CNGB1: variants seen among roughly 807,000 people sequenced by gnomAD.
CNGB1 encodes cyclic nucleotide-gated channel beta-1.
Under a neutral mutation model 151.7 loss-of-function variants are expected in CNGB1, and 126 were observed. The ratio of observed to expected loss-of-function variants is 0.83; its 90% confidence interval spans 0.72 to 0.96. CNGB1 has a LOEUF of 0.96. Among genes scored for constraint, CNGB1 ranks in the 40% least tolerant of loss-of-function variants. The pLI is 0.00. For missense variants in CNGB1, 1,698 were observed against 1,627.0 expected, an observed-to-expected ratio of 1.04 and a Z score of -0.75; for synonymous variants, 623 against 635.1, an observed-to-expected ratio of 0.98 and a Z score of 0.29.
intron 14 of CNGB1, among the ~76,000 whole-genome samples, chr16:57,946,181 G>A (rs578169595): frequency 6.6e-6 from 1 of 152,172 alleles, no homozygotes; most frequent in Non-Finnish European, 1.5e-5. Context: ...GACACCCTCC[G>A]GCTTTCCAAG....
At chr16:57,909,833 C>T (rs1351593514) in intron 25 of CNGB1, among the ~76,000 whole-genome samples, 5 of 152,190 alleles carry the variant, frequency 3.3e-5, no homozygotes. Flanking sequence ...GGCCATGACA[C>T]CTGGGTTCAA....
Position 57,915,342 on chromosome 16 carries a change from TC to T in CNGB1, c.2218-8del. ...GGAGGCTGAGCAGGTCCATCTGAAA[TC>T]CCAGTGGGACACCATGGGGGTAAAA... On this transcript the variant is annotated splice_polypyrimidine_tract_variant and splice_region_variant and intron_variant, in intron 22 of 32. Transcript: ENST00000251102. 6.2e-7 allele frequency: 1 copy of T among 1,610,708 alleles called. No homozygotes were observed. Among genetic ancestry groups the T allele is most frequent in the South Asian group, 1.1e-5 (1 of 90,982 alleles).
intron 11 of CNGB1, 84 bp downstream of exon 11, chr16:57,958,326 G>T: frequency 7.8e-7 from 1 of 1,277,612 alleles, no homozygotes; most frequent in Non-Finnish European, 1.1e-6. Flanking sequence ...TCTGCCACAG[G>T]GCCAACCATC....
intron 25 of CNGB1, among the ~76,000 whole-genome samples, chr16:57,906,749 C>T (rs543943097): frequency 2.6e-5 from 4 of 152,304 alleles, no homozygotes; most frequent in South Asian, 2.1e-4. Context: ...AGGACATAGG[C>T]GCGATGTCCA....
chr16:57,899,684 G>A (rs138666654), intron 29 of CNGB1, among the ~76,000 whole-genome samples: 1 of 152,126 alleles, frequency 6.6e-6, no homozygotes, highest in Non-Finnish European at 1.5e-5. Flanking sequence ...GGGGTGGGGG[G>A]AGTGACCAAG....
chr16:57,943,692 G>C (rs1386970531), intron 14 of CNGB1, among the ~76,000 whole-genome samples: 1 of 152,128 alleles, frequency 6.6e-6, no homozygotes, highest in African/African-American at 2.4e-5. Context: ...GCAAGTGTTG[G>C]TGAGGATGCA....
chr16:57,965,363 G>A (rs1027316643), intron 2 of CNGB1, among the ~76,000 whole-genome samples: 14 of 152,118 alleles, frequency 9.2e-5, no homozygotes, highest in Non-Finnish European at 1.9e-4. Context: ...ATATGCAAAC[G>A]TGCATATACA....
At chr16:57,955,397 G>A in intron 12 of CNGB1, 1 of 1,543,446 alleles carries the variant, frequency 6.5e-7, no homozygotes, top group Non-Finnish European at 8.8e-7. Flanking sequence ...CAGGGTGGGT[G>A]GCTGGGTGGA....
chr16:57,901,505 C>A, intron 28 of CNGB1, 23 bp downstream of exon 28: 7 of 1,612,466 alleles, frequency 4.3e-6, no homozygotes, highest in Non-Finnish European at 5.9e-6. Flanking sequence ...CAGCCCTGAG[C>A]GTGAGGGCAC....
At chr16:57,924,577 A>G (rs924414775) in intron 17 of CNGB1, among the ~76,000 whole-genome samples, 1 of 152,226 alleles carries the variant, frequency 6.6e-6, no homozygotes, top group South Asian at 2.1e-4. Context: ...CATGTCACAC[A>G]TGAAAGCACA....
chr16:57,964,450 C>A, intron 3 of CNGB1, 37 bp downstream of exon 3: 1 of 1,612,870 alleles, frequency 6.2e-7, no homozygotes, highest in Non-Finnish European at 8.5e-7. Context: ...GCGGGCCCCC[C>A]TGCCATGCCA....
At chr16:57,932,100 G>A (rs1480065376) in intron 16 of CNGB1, among the ~76,000 whole-genome samples, 1 of 152,184 alleles carries the variant, frequency 6.6e-6, no homozygotes, top group Non-Finnish European at 1.5e-5. Flanking sequence ...AGCCACGAAA[G>A]AAGCCACAAA....
chr16:57,923,233 C>A lies in CNGB1; in HGVS notation c.1643+40G>T, dbSNP rs767401750. 16 of 1,406,834 alleles carry A rather than the reference C, an allele frequency of 1.1e-5. No individual in the cohort carries two copies. The South Asian group carries it at 1.8e-4, about 15-fold the overall frequency. The allele number at this position is 1,406,834 out of a possible 1,614,324, so 87.1% of individuals were successfully genotyped here. A position where few individuals can be genotyped will look rare whatever the true frequency, so the allele number is the denominator to read the frequency against. On this transcript the variant is annotated intron_variant, in intron 18 of 32. Coordinates refer to ENST00000251102, the MANE Select transcript of CNGB1 (RefSeq NM_001297.5). ...GCCCCCCCACATCCCCCACCCTCCC[C>A]GCAGTCTTTCAATTTTCTGAGACCC...
chr16:57,891,044 G>C (rs1244046065), intron 31 of CNGB1, among the ~76,000 whole-genome samples: 1 of 152,228 alleles, frequency 6.6e-6, no homozygotes, highest in Non-Finnish European at 1.5e-5. Context: ...CAGCTCTTGG[G>C]AGGTGCCTTT....
intron 25 of CNGB1, among the ~76,000 whole-genome samples, chr16:57,906,691 G>A (rs765923615): frequency 1.5e-4 from 23 of 152,338 alleles, no homozygotes; most frequent in African/African-American, 3.6e-4. Flanking sequence ...CAGACCCCTC[G>A]GCTGTCCGGG....
At chr16:57,905,358 C>T (rs1414619412) in intron 25 of CNGB1, among the ~76,000 whole-genome samples, 2 of 148,202 alleles carry the variant, frequency 1.3e-5, no homozygotes, top group Non-Finnish European at 3.0e-5. Context: ...CATCCATTTT[C>T]CAGAGAGTGA....
At position 57,920,414 on chromosome 16, in the gene CNGB1, T is replaced by G; in HGVS notation, c.1774A>C (p.Thr592Pro). 1 of 1,614,130 alleles carries G rather than the reference T, an allele frequency of 6.2e-7. No homozygotes were observed. The part of the protein sequence containing the change: ...VKEKLIDPDV[T>P]SDEESPKPSP... ...GGCTTGGGGCTCTCCTCATCAGAGG[T>G]GACGTCAGGGTCAATGAGTTTCTCC... Residue 592 changes from threonine (T) to proline (P), a missense_variant, in exon 19 of 33, where the codon ACC becomes CCC. Physicochemically the swap from Thr to Pro is conservative, Grantham distance 38 (BLOSUM62 -1). Transcript: ENST00000251102.
intron 18 of CNGB1, 48 bp downstream of exon 18, chr16:57,923,225 A>T: frequency 9.5e-7 from 1 of 1,048,326 alleles, no homozygotes; most frequent in Non-Finnish European, 1.4e-6. Context: ...CACATCCCCC[A>T]CCCTCCCCGC....
At chr16:57,904,577 G>A (rs192356146) in intron 26 of CNGB1, among the ~76,000 whole-genome samples, 157 bp downstream of exon 26, 37 of 152,234 alleles carry the variant, frequency 2.4e-4, no homozygotes, top group Admixed American at 1.2e-3. Flanking sequence ...CCCCTTCACC[G>A]CGCAGGGACC....
Sources: gnomAD v4.1 joint callset for allele counts (sites outside exome capture counted in the v4.1 genomes callset) on GRCh38, gnomAD v4.1.1 for gene constraint, MANE v1.5 for transcripts, NCBI Gene and HGNC (gene_info 2026-07-23, HGNC 2026-07-21) for gene names.